The following STPG2 variants were observed in gnomAD, a reference collection of about 807,000 sequenced individuals.
STPG2 encodes sperm-tail PG-rich repeat-containing protein 2.
STPG2 carries 56 observed loss-of-function variants against 54.2 expected under a neutral mutation model. The ratio of observed to expected loss-of-function variants is 1.03; its 90% CI spans 0.83 to 1.29. The LOEUF (loss-of-function observed/expected upper bound fraction) is 1.29. Ranked by LOEUF, STPG2 falls within the 50% of genes most tolerant of loss-of-function variation. STPG2 has a pLI of 0.00. For synonymous variants in STPG2, 200 were observed against 181.8 expected (o/e 1.10, Z -0.81); for missense variants, 596 against 544.9 (o/e 1.09, Z -0.93).
At chr4:98,076,580 A>C (rs1050538914) in intron 5 of STPG2, among the ~76,000 whole-genome samples, 4 of 152,352 alleles carry the variant, frequency 2.6e-5, no homozygotes, top group Non-Finnish European at 1.5e-5. Context: ...CATTAAAAGC[A>C]GTTATAGATA....
chr4:97,571,798 G>A (rs1732608040), intron 10 of STPG2, among the ~76,000 whole-genome samples: 1 of 152,044 alleles, frequency 6.6e-6, no homozygotes, highest in African/African-American at 2.4e-5. Flanking sequence ...TTGTGTCATG[G>A]GCCATGGTCA....
intron 9 of STPG2, among the ~76,000 whole-genome samples, chr4:97,786,944 CAT>C (rs1726845716): frequency 6.6e-6 from 1 of 152,016 alleles, no homozygotes; most frequent in Non-Finnish European, 1.5e-5. Flanking sequence ...TAGGAAAAAA[CAT>C]AGTATAGTAT....
At chr4:97,897,564 A>T (rs902477796) in intron 8 of STPG2, among the ~76,000 whole-genome samples, 10 of 152,254 alleles carry the variant, frequency 6.6e-5, no homozygotes, top group African/African-American at 2.2e-4. Context: ...CCTTGTCAGC[A>T]TCTGTTATTT....
intron 9 of STPG2, among the ~76,000 whole-genome samples, chr4:97,801,617 G>T (rs575289153): frequency 6.6e-6 from 1 of 152,244 alleles, no homozygotes; most frequent in South Asian, 2.1e-4. Flanking sequence ...AATTATAGCA[G>T]AAAGTAGCTC....
intron 9 of STPG2, among the ~76,000 whole-genome samples, chr4:97,722,797 A>AT (rs11316033): frequency 0.052 from 6,326 of 122,668 alleles, 421 homozygotes; most frequent in African/African-American, 0.14. Flanking sequence ...GTCTCTGCCA[A>AT]TTTTTTTTTT....
At chr4:97,817,243 A>G (rs1227842353) in intron 9 of STPG2, among the ~76,000 whole-genome samples, 2 of 149,952 alleles carry the variant, frequency 1.3e-5, no homozygotes, top group Non-Finnish European at 3.0e-5. Context: ...GTGTGTATAT[A>G]TATGATATAT....
intron 4 of STPG2, among the ~76,000 whole-genome samples, chr4:97,501,680 A>C (rs931007091): frequency 6.6e-6 from 1 of 151,936 alleles, no homozygotes; most frequent in African/African-American, 2.4e-5. Context: ...TGGGTGACAA[A>C]GTGAGACCCT....
intron 10 of STPG2, among the ~76,000 whole-genome samples, chr4:97,676,088 T>C (rs891406895): frequency 3.4e-5 from 5 of 147,360 alleles, no homozygotes; most frequent in African/African-American, 4.9e-5. Flanking sequence ...ATATAGTATA[T>C]ACTAAATATA....
intron 10 of STPG2, among the ~76,000 whole-genome samples, chr4:97,677,986 C>T (rs988134153): frequency 2.0e-5 from 3 of 151,816 alleles, no homozygotes; most frequent in Non-Finnish European, 4.4e-5. Flanking sequence ...TATGAAAAAC[C>T]TATATATACA....
chr4:97,560,887 G>T (rs1028436851), intron 10 of STPG2, among the ~76,000 whole-genome samples: 15 of 152,066 alleles, frequency 9.9e-5, no homozygotes, highest in African/African-American at 3.6e-4. Context: ...CTTGTCATTA[G>T]AAAGAAATGA....
chr4:97,541,835 A>G (rs1578375163), intron 4 of STPG2, among the ~76,000 whole-genome samples: 1 of 152,228 alleles, frequency 6.6e-6, no homozygotes, highest in Non-Finnish European at 1.5e-5. Flanking sequence ...CAACCTTCTG[A>G]TCTTTGACAA....
intron 10 of STPG2, among the ~76,000 whole-genome samples, chr4:97,676,069 T>C (rs1404885541): frequency 6.8e-6 from 1 of 147,058 alleles, no homozygotes; most frequent in Non-Finnish European, 1.5e-5. Flanking sequence ...ACTAAATATA[T>C]ACTATAGTAT....
intron 4 of STPG2, among the ~76,000 whole-genome samples, chr4:97,479,839 T>C (rs1197893823): frequency 6.6e-6 from 1 of 151,890 alleles, no homozygotes; most frequent in Non-Finnish European, 1.5e-5. Context: ...AGGACTGTGA[T>C]ACTCAAGAAA....
At chr4:98,067,673 G>A (rs1046680328) in intron 5 of STPG2, among the ~76,000 whole-genome samples, 11 of 152,098 alleles carry the variant, frequency 7.2e-5, no homozygotes, top group African/African-American at 2.7e-4. Context: ...TGTATTGTTT[G>A]TACTAAATTA....
intron 10 of STPG2, among the ~76,000 whole-genome samples, chr4:97,585,125 C>CAAAAAAAAAAAAAAAAAAAAAAAAAAAA (rs1732964810): frequency 1.6e-5 from 1 of 60,720 alleles, no homozygotes; most frequent in Non-Finnish European, 3.1e-5. Flanking sequence ...AAAAAAAAAA[C>CAAAAAAAAAAAAAAAAAAAAAAAAAAAA]AAAACTACAA....
chr4:98,074,818 C>A (rs111588801), intron 5 of STPG2, among the ~76,000 whole-genome samples: 1,738 of 152,286 alleles, frequency 0.011, 29 homozygotes, highest in African/African-American at 0.04. Flanking sequence ...AATTCTTCAT[C>A]TCTTTCCTAA....
At chr4:97,489,120 C>G (rs1190347056) in intron 4 of STPG2, among the ~76,000 whole-genome samples, 1 of 151,636 alleles carries the variant, frequency 6.6e-6, no homozygotes, top group African/African-American at 2.4e-5. Flanking sequence ...TTTCCCTGCA[C>G]GAGCTCTCTC....
chr4:97,710,120 A>ATT (rs11435050), intron 10 of STPG2, among the ~76,000 whole-genome samples: 1 of 151,566 alleles, frequency 6.6e-6, no homozygotes, highest in Non-Finnish European at 1.5e-5. Context: ...TTGTATGCAC[A>ATT]TTTTTTATGA....
chr4:98,118,647 G>C (rs1739588284), intron 3 of STPG2, among the ~76,000 whole-genome samples: 1 of 152,146 alleles, frequency 6.6e-6, no homozygotes, highest in South Asian at 2.1e-4. Context: ...CTAGTATACA[G>C]ATCTTACTTT....
Sources: gnomAD v4.1 joint callset for allele counts (sites outside exome capture counted in the v4.1 genomes callset) on GRCh38, gnomAD v4.1.1 for gene constraint, MANE v1.5 for transcripts, NCBI Gene and HGNC (gene_info 2026-07-23, HGNC 2026-07-21) for gene names.